WDR75: variants seen among roughly 807,000 people sequenced by gnomAD.
WDR75 encodes the protein WD repeat domain 75.
A neutral mutation model predicts 106.1 loss-of-function variants in WDR75; 52 were observed. That is an observed-to-expected ratio of 0.49 (90% CI 0.39 to 0.62). WDR75 has a LOEUF of 0.62. Among genes scored for constraint, WDR75 ranks in the 20% least tolerant of loss-of-function variants. The pLI is 0.00. For missense variants in WDR75, 905 were observed against 970.3 expected (o/e 0.93, Z 0.89); for synonymous variants, 333 against 335.5 (o/e 0.99, Z 0.08).
intron 9 of WDR75, among the ~76,000 whole-genome samples, chr2:189,463,252 T>A (rs1019549051): frequency 1.3e-5 from 2 of 152,180 alleles, no homozygotes; most frequent in Non-Finnish European, 2.9e-5. Context: ...ACTTAAAATG[T>A]GTTCATAGGC....
rs1334627290 is a variant in WDR75, at chr2:189,475,380, T to A, written c.2456T>A (p.Phe819Tyr). The change falls in exon 21 of 21, where the codon TTT (phenylalanine) becomes TAT (tyrosine). Residue 819 changes from phenylalanine (F) to tyrosine (Y), a missense_variant. Phe to Tyr is a conservative substitution (Grantham distance 22). Coordinates refer to ENST00000314761, the MANE Select transcript of WDR75 (RefSeq NM_032168.3). ...TCTGAAGAAAAAGAACTGAGAAAAT[T>A]TAGGAAAATAGACTACAGCTGGATA... ...SKSEEKELRK[F>Y]RKIDYSWIAA... 2 of 1,612,176 alleles carry A rather than the reference T, an allele frequency of 1.2e-6. No homozygotes were observed. The highest frequency in any genetic ancestry group is 1.7e-6 in the Non-Finnish European group (2 of 1,179,262).
Position 189,475,408 on chromosome 2 carries a change from T to C in WDR75, c.2484T>C (p.Ala828=). The C allele has an allele frequency of 6.2e-7, 1 of 1,605,666 alleles. No homozygotes were observed. Among genetic ancestry groups the C allele is most frequent in the South Asian group, 1.1e-5 (1 of 88,956 alleles). The change falls in exon 21 of 21, where the codon GCT becomes GCC. Residue 828 remains alanine (A), a synonymous_variant. Transcript: ENST00000314761. ...KFRKIDYSWI[A]AL The stretch of plus-strand genomic sequence containing the variant: ...GGAAAATAGACTACAGCTGGATAGC[T>C]GCCCTTTAAGCCTTGGAGATGGGGA...
Position 189,448,457 on chromosome 2 carries a change from A to G in WDR75, c.165A>G (p.Gly55=). 1 of 1,614,016 alleles carries G rather than the reference A, an allele frequency of 6.2e-7. No individual in the cohort carries two copies. The highest frequency in any genetic ancestry group is 8.5e-7 in the Non-Finnish European group (1 of 1,179,910). The change falls in exon 2 of 21, where the codon GGA becomes GGG. Residue 55 remains glycine (G), a synonymous_variant. Transcript: ENST00000314761. ...VTEECVHILH[G]HRNLVTGIQL... ...AAGAGTGTGTACACATACTGCATGG[A>G]CACAGAAATCTGGTGACTGGAATCC...
At position 189,469,756 on chromosome 2, in the gene WDR75, G is replaced by T. The variant is rs938251319; in HGVS notation, c.1819+317G>T. On this transcript the variant is annotated intron_variant, in intron 16 of 20. Coordinates refer to ENST00000314761, the MANE Select transcript of WDR75 (RefSeq NM_032168.3). The stretch of plus-strand genomic sequence containing the variant: ...GGTCATCCTCTATGTTCTTGAAGCA[G>T]TTTCTACATATCTCATTTCTAGTAC... 3.3e-5 allele frequency among the ~76,000 whole-genome samples: 5 copies of T among 152,126 alleles called. No homozygotes were observed. The South Asian group carries it at 1.0e-3, about 32-fold the overall frequency.
In WDR75 at chr2:189,448,441, T is replaced by C; in HGVS notation, c.149T>C (p.Val50Ala). ...KVYSTVTEEC[V>A]HILHGHRNLV... ...TACAGCACAGTTACAGAAGAGTGTGTACACATACTGCATGGACACAGAAAT... is the reference window on the plus strand; with the variant it reads ...TACAGCACAGTTACAGAAGAGTGTGCACACATACTGCATGGACACAGAAAT... Residue 50 changes from valine (V) to alanine (A), a missense_variant, in exon 2 of 21, where the codon GTA becomes GCA. Coordinates refer to ENST00000314761, the MANE Select transcript of WDR75 (RefSeq NM_032168.3). 6.2e-7 allele frequency: 1 copy of C among 1,614,072 alleles called. No individual in the cohort carries two copies. The highest frequency in any genetic ancestry group is 1.6e-4 in the Middle Eastern group (1 of 6,062).
intron 13 of WDR75, among the ~76,000 whole-genome samples, 182 bp from the exon 14 acceptor site, chr2:189,467,286 C>T (rs1207607726): frequency 6.6e-6 from 1 of 152,064 alleles, no homozygotes; most frequent in African/African-American, 2.4e-5. Flanking sequence ...TCTGTGTCTG[C>T]CTTTCTCTCT....
intron 3 of WDR75, 119 bp downstream of exon 3, chr2:189,451,087 A>G: frequency 7.2e-6 from 9 of 1,244,838 alleles, no homozygotes; most frequent in Non-Finnish European, 9.3e-6. Context: ...ACAAGTTACA[A>G]AATAACATCA....
chr2:189,472,284 G>T (rs928341023), intron 18 of WDR75, among the ~76,000 whole-genome samples: 1 of 152,160 alleles, frequency 6.6e-6, no homozygotes, highest in African/African-American at 2.4e-5. Context: ...GATGCAGCTT[G>T]TAATTTTAAA....
At chr2:189,449,264 T>C in intron 2 of WDR75, 2 of 1,303,638 alleles carry the variant, frequency 1.5e-6, no homozygotes, top group Non-Finnish European at 2.0e-6. Context: ...ACTTGGAAGT[T>C]ATTGATTAAG....
intron 8 of WDR75, among the ~76,000 whole-genome samples, 192 bp downstream of exon 8, chr2:189,459,616 A>C (rs1686818430): frequency 6.6e-6 from 1 of 152,358 alleles, no homozygotes; most frequent in South Asian, 2.1e-4. Flanking sequence ...TCAAAGTTCT[A>C]AAGTGTACAT....
chr2:189,441,478 C>T lies in WDR75; in HGVS notation c.-15C>T, dbSNP rs369237142. On this transcript the variant is annotated 5_prime_UTR_variant, in exon 1 of 21. Coordinates refer to ENST00000314761, the MANE Select transcript of WDR75 (RefSeq NM_032168.3). ...GGGCGGGACCAGAGATTGGCCATTC[C>T]GCTACTGCGCAAAGATGGTGGAGGA... The T allele has an allele frequency of 2.6e-4, 407 of 1,555,928 alleles. No homozygotes were observed. Among genetic ancestry groups the T allele is most frequent in the Non-Finnish European group, 3.3e-4 (374 of 1,148,932 alleles).
intron 14 of WDR75, 59 bp from the exon 15 acceptor site, chr2:189,468,416 C>A: frequency 1.3e-6 from 2 of 1,526,456 alleles, no homozygotes; most frequent in South Asian, 1.1e-5. Context: ...GCCTGCAGTT[C>A]TTTGTAACTG....
At chr2:189,457,061 G>A (rs1686751970) in intron 5 of WDR75, among the ~76,000 whole-genome samples, 1 of 152,036 alleles carries the variant, frequency 6.6e-6, no homozygotes, top group Admixed American at 6.6e-5. Flanking sequence ...GGCCAACATG[G>A]TGAAACCCAT....
In WDR75 at chr2:189,458,578, A is replaced by T. The variant is rs185766799; in HGVS notation, c.570-175A>T. On this transcript the variant is annotated intron_variant, in intron 6 of 20. Coordinates refer to ENST00000314761, the MANE Select transcript of WDR75 (RefSeq NM_032168.3). ...TATTGATATATGTTTACAAAATAGA[A>T]TGCTTGATTCTTGATCAAAATTTTC... is the stretch of plus-strand genomic sequence containing the variant. Among the ~76,000 whole-genome samples the T allele has an allele frequency of 6.8e-4, 103 of 152,322 alleles. 2 individuals are homozygous for T. Among genetic ancestry groups the T allele is most frequent in the Non-Finnish European group, 2.2e-4 (15 of 68,026 alleles).
intron 6 of WDR75, 107 bp from the exon 7 acceptor site, chr2:189,458,646 C>T (rs1686793437): frequency 1.1e-6 from 1 of 899,984 alleles, no homozygotes; most frequent in Admixed American, 3.9e-5. Flanking sequence ...GAATTCTGAG[C>T]TCTACAATTT....
At chr2:189,458,045 T>C (rs538151550) in intron 6 of WDR75, among the ~76,000 whole-genome samples, 40 of 149,228 alleles carry the variant, frequency 2.7e-4, no homozygotes, top group African/African-American at 9.6e-4. Context: ...CGTCTCAGCC[T>C]CCTGAGTAGC....
intron 6 of WDR75, among the ~76,000 whole-genome samples, chr2:189,457,649 T>G (rs1390707651): frequency 2.0e-5 from 3 of 152,212 alleles, no homozygotes; most frequent in Non-Finnish European, 4.4e-5. Flanking sequence ...TGGATGTAGT[T>G]TGACAGGGTT....
At chr2:189,442,442 CTTTTTTTTTTTTTT>C (rs1188214718) in intron 1 of WDR75, among the ~76,000 whole-genome samples, 1 of 73,900 alleles carries the variant, frequency 1.4e-5, no homozygotes, top group East Asian at 5.2e-4. Context: ...CCACAATATT[CTTTTTTTTTTTTTT>C]TTTTTTTTTT....
At position 189,467,562 on chromosome 2, in the gene WDR75, A is replaced by G. The variant is rs1687028388; in HGVS notation, c.1542A>G (p.Ala514=). ...CCFSEDGSLL[A]VSFEEIVTIW... is the part of the protein sequence containing the mutation. ...TCTCCGAAGATGGTTCTTTACTAGC[A>G]GTTAGTTTTGAGGAAATAGTCACAA... The change falls in exon 14 of 21, where the codon GCA becomes GCG. Residue 514 remains alanine (A), a synonymous_variant. Transcript: ENST00000314761. 1 of 1,611,666 alleles carries G rather than the reference A, an allele frequency of 6.2e-7. No individual in the cohort carries two copies. The highest frequency in any genetic ancestry group is 1.3e-5 in the African/African-American group (1 of 74,808).
Sources: gnomAD v4.1 joint callset for allele counts (sites outside exome capture counted in the v4.1 genomes callset) on GRCh38, gnomAD v4.1.1 for gene constraint, MANE v1.5 for transcripts, NCBI Gene and HGNC (gene_info 2026-07-23, HGNC 2026-07-21) for gene names.